GPATCH8: variants seen among roughly 807,000 people sequenced by gnomAD.
GPATCH8 encodes G patch domain-containing protein 8.
Under a neutral mutation model 118.3 loss-of-function variants are expected in GPATCH8, and 18 were observed. That is an observed-to-expected ratio of 0.15 (90% confidence interval 0.11 to 0.23). The LOEUF (loss-of-function observed/expected upper bound fraction) is 0.23. GPATCH8 is among the 10% of genes least tolerant of loss of function. The pLI is 1.00. For synonymous variants in GPATCH8, 659 were observed against 684.7 expected (o/e 0.96, Z 0.59); for missense variants, 1,631 against 1,873.8 (o/e 0.87, Z 2.39).
At chr17:44,430,044 A>AAACC (rs368694004) in intron 5 of GPATCH8, among the ~76,000 whole-genome samples, 6 of 152,004 alleles carry the variant, frequency 3.9e-5, no homozygotes, top group African/African-American at 9.7e-5. Context: ...GACTGTCTCA[A>AAACC]AACCAACCAA....
Position 44,409,798 on chromosome 17 carries a change from G to A in GPATCH8, c.493-3747C>T, listed in dbSNP as rs1176516613. 4.6e-5 allele frequency among the ~76,000 whole-genome samples: 7 copies of A among 152,246 alleles called. No individual in the cohort carries two copies. The South Asian group carries it at 8.3e-4, about 18-fold the overall frequency. On this transcript the variant is annotated intron_variant, in intron 6 of 7. Transcript: ENST00000591680. ...AACTGTTCAATACTCCCTTCCCTCC[G>A]TGTGGGGCAGGGACTACAGCTTATC...
intron 7 of GPATCH8, among the ~76,000 whole-genome samples, chr17:44,404,421 G>A (rs184806068): frequency 2.6e-5 from 4 of 152,256 alleles, no homozygotes; most frequent in East Asian, 1.9e-4. Context: ...GGGATTACAG[G>A]TGCGAGTCAC....
chr17:44,463,157 C>A (rs898660334), intron 3 of GPATCH8, among the ~76,000 whole-genome samples: 5 of 152,036 alleles, frequency 3.3e-5, no homozygotes, highest in African/African-American at 1.2e-4. Context: ...TGGCCTCAAA[C>A]AGTCCTCCTG....
chr17:44,465,673 T>C (rs1419174380), intron 2 of GPATCH8: 4 of 152,226 alleles, frequency 2.6e-5, no homozygotes, highest in African/African-American at 9.6e-5. Context: ...ACAATATAAG[T>C]AATGTTAGCA....
In GPATCH8 at chr17:44,401,067, T is replaced by C. The variant is rs1396497701; in HGVS notation, c.1010A>G (p.Lys337Arg). The change falls in exon 8 of 8, where the codon AAG (lysine) becomes AGG (arginine). Residue 337 changes from lysine to arginine, a missense_variant. Transcript: ENST00000591680. Reference protein sequence around the residue: ...TSEDGTKPDEKSSDQGLQKVG... With the variant: ...TSEDGTKPDERSSDQGLQKVG... ...CTTCTGCAGTCCTTGGTCAGAACTC[T>C]TCTCATCGGGTTTTGTTCCATCTTC... 2 of 1,614,064 alleles carry C rather than the reference T, an allele frequency of 1.2e-6. No homozygotes were observed. Among genetic ancestry groups the C allele is most frequent in the Admixed American group, 3.3e-5 (2 of 60,010 alleles).
At chr17:44,430,031 C>G (rs1441852830) in intron 5 of GPATCH8, among the ~76,000 whole-genome samples, 2 of 152,000 alleles carry the variant, frequency 1.3e-5, no homozygotes, top group East Asian at 3.9e-4. Context: ...CTCAACAAAG[C>G]AAGACTGTCT....
chr17:44,467,174 G>GTT (rs1022516306), intron 2 of GPATCH8: 568 of 518,556 alleles, frequency 1.1e-3, no homozygotes, highest in South Asian at 1.9e-3. Flanking sequence ...ACTAATGGTC[G>GTT]TTTTTTTTTT....
chr17:44,427,651 A>T (rs1230089574), intron 5 of GPATCH8, among the ~76,000 whole-genome samples: 2 of 152,182 alleles, frequency 1.3e-5, no homozygotes, highest in African/African-American at 4.8e-5. Context: ...CAATAGAAGT[A>T]AAAAGAACTT....
chr17:44,439,551 G>A (rs1050126163), intron 3 of GPATCH8, among the ~76,000 whole-genome samples: 1 of 152,092 alleles, frequency 6.6e-6, no homozygotes, highest in Non-Finnish European at 1.5e-5. Flanking sequence ...AGAGGCTATA[G>A]ACCAAGGAAA....
At chr17:44,475,854 T>C (rs932468039) in intron 1 of GPATCH8, among the ~76,000 whole-genome samples, 8 of 152,018 alleles carry the variant, frequency 5.3e-5, no homozygotes, top group Non-Finnish European at 1.2e-4. Context: ...AGTGAGACCC[T>C]GTTTCTACAA....
intron 3 of GPATCH8, among the ~76,000 whole-genome samples, chr17:44,458,868 G>A (rs1336089895): frequency 6.6e-6 from 1 of 152,110 alleles, no homozygotes; most frequent in African/African-American, 2.4e-5. Flanking sequence ...GTTATGCTCA[G>A]AAAAGCTTTT....
rs1567915685 is a variant in GPATCH8 at position 44,396,537 on chromosome 17, T to TA, written c.*1030dup. The TA allele has an allele frequency of 2.2e-6, 1 of 449,538 alleles. No individual in the cohort carries two copies. Among genetic ancestry groups the TA allele is most frequent in the Admixed American group, 2.4e-5 (1 of 41,736 alleles). The allele number at this position is 449,538 out of a possible 1,614,324, so 27.8% of individuals were successfully genotyped here. On this transcript the variant is annotated 3_prime_UTR_variant, in exon 8 of 8. Coordinates refer to ENST00000591680, the MANE Select transcript of GPATCH8 (RefSeq NM_001002909.4). ...ATAAGTTTGGTAAAATATACATGCT[T>TA]AGTCAGTTTTGCATCTAGCAGAAAA...
intron 6 of GPATCH8, among the ~76,000 whole-genome samples, chr17:44,408,460 T>C (rs1567947782): frequency 6.6e-6 from 1 of 152,210 alleles, no homozygotes; most frequent in Non-Finnish European, 1.5e-5. Flanking sequence ...GTGATGGGAT[T>C]ACAGGCATAA....
rs1213734743 is a variant in GPATCH8, at chr17:44,401,280, A to C, written c.797T>G (p.Ile266Ser). The change falls in exon 8 of 8, where the codon ATC becomes AGC. Residue 266 changes from isoleucine (I) to serine (S), a missense_variant. Transcript: ENST00000591680. ...DKGGPFTAVQ[I>S]TNTTGLAQAP... ...CTGGGCCAGTCCAGTGGTATTAGTG[A>C]TTTGTACTGCAGTGAAAGGGCCTCC... 1 of 1,612,932 alleles carries C rather than the reference A, an allele frequency of 6.2e-7. No individual in the cohort carries two copies. Among genetic ancestry groups the C allele is most frequent in the Admixed American group, 1.7e-5 (1 of 59,824 alleles).
At chr17:44,468,770 G>A (rs370335194) in intron 2 of GPATCH8, among the ~76,000 whole-genome samples, 1 of 151,844 alleles carries the variant, frequency 6.6e-6, no homozygotes, top group African/African-American at 2.4e-5. Context: ...ACATGATAGA[G>A]GTAGGCTGCT....
chr17:44,480,126 AAC>A (rs1968109290), intron 1 of GPATCH8, among the ~76,000 whole-genome samples: 1 of 152,022 alleles, frequency 6.6e-6, no homozygotes, highest in African/African-American at 2.4e-5. Context: ...AGGGGAAAAA[AAC>A]AACCCAATTT....
intron 4 of GPATCH8, 149 bp from the exon 5 acceptor site, chr17:44,435,300 C>T (rs1291672732): frequency 6.2e-6 from 4 of 640,210 alleles, no homozygotes; most frequent in Middle Eastern, 5.8e-4. Context: ...TGTCACCTCA[C>T]AGAGAAAATC....
chr17:44,456,208 T>G (rs982928346), intron 3 of GPATCH8, among the ~76,000 whole-genome samples: 2 of 151,508 alleles, frequency 1.3e-5, no homozygotes, highest in African/African-American at 4.9e-5. Flanking sequence ...CAACACTAGG[T>G]AGGGCTCAAG....
chr17:44,403,671 T>G (rs1027498475), intron 7 of GPATCH8, among the ~76,000 whole-genome samples: 1 of 151,406 alleles, frequency 6.6e-6, no homozygotes, highest in African/African-American at 2.4e-5. Context: ...ATAAGTATAT[T>G]CAGACAATAT....
Sources: allele counts gnomAD v4.1 joint callset (sites outside exome capture counted in the v4.1 genomes callset), GRCh38; gene constraint gnomAD v4.1.1; transcripts MANE v1.5; gene names NCBI Gene and HGNC (gene_info 2026-07-23, HGNC 2026-07-21).